ADGRB1: variants seen among roughly 807,000 people sequenced by gnomAD.
ADGRB1 encodes the protein adhesion G protein-coupled receptor B1.
In ADGRB1, 36 loss-of-function variants were observed where a neutral mutation model predicts 175.7. That is an observed-to-expected ratio of 0.20 (90% confidence interval 0.16 to 0.27). The LOEUF (loss-of-function observed/expected upper bound fraction) is 0.27, where lower values mean the gene tolerates loss of function less well. Among genes scored for constraint, ADGRB1 ranks in the 10% least tolerant of loss-of-function variants. ADGRB1 has a pLI of 1.00. For missense variants in ADGRB1, 1,731 were observed against 2,255.3 expected (o/e 0.77, Z 4.71); for synonymous variants, 1,054 against 979.4 (o/e 1.08, Z -1.42).
intron 17 of ADGRB1, among the ~76,000 whole-genome samples, chr8:142,498,623 A>G (rs896489324): frequency 6.6e-6 from 1 of 151,892 alleles, no homozygotes; most frequent in Non-Finnish European, 1.5e-5. Context: ...GGACCACTAT[A>G]TTGAGAGTCT....
intron 17 of ADGRB1, among the ~76,000 whole-genome samples, chr8:142,509,099 G>A (rs1212076734): frequency 1.3e-5 from 2 of 152,242 alleles, no homozygotes; most frequent in African/African-American, 2.4e-5. Flanking sequence ...GCCAGCCAGC[G>A]GCTCACAGCA....
At position 142,506,961 on chromosome 8, in the gene ADGRB1, T is replaced by G. The variant is rs138025313; in HGVS notation, c.2676-3971T>G. Among the ~76,000 whole-genome samples the G allele has an allele frequency of 4.7e-3, 711 of 152,320 alleles. 6 individuals carry two copies. The highest frequency in any genetic ancestry group is 0.015 in the African/African-American group (635 of 41,568). On this transcript the variant is annotated intron_variant, in intron 17 of 30. Coordinates refer to ENST00000517894, the MANE Select transcript of ADGRB1 (RefSeq NM_001702.3). Reference sequence around the variant, plus strand: ...TCTCAGGTTGCCCCTGACGGTCCCTTGCAGACCTGCATTTCAGTCAAGGTT... The same window carrying G: ...TCTCAGGTTGCCCCTGACGGTCCCTGGCAGACCTGCATTTCAGTCAAGGTT...
intron 6 of ADGRB1, 78 bp from the exon 7 acceptor site, chr8:142,478,109 G>C: frequency 6.5e-7 from 1 of 1,537,308 alleles, no homozygotes; most frequent in Non-Finnish European, 8.8e-7. Flanking sequence ...AGCACCCAGG[G>C]TGCTCACACC....
intron 18 of ADGRB1, among the ~76,000 whole-genome samples, chr8:142,514,136 G>T (rs991423758): frequency 3.9e-5 from 6 of 152,212 alleles, no homozygotes; most frequent in African/African-American, 1.4e-4. Flanking sequence ...TTGGGTGTGG[G>T]GACTCTGGTC....
At chr8:142,524,341 AC>A in intron 23 of ADGRB1, 37 bp downstream of exon 23, 4 of 1,549,452 alleles carry the variant, frequency 2.6e-6, no homozygotes, top group Non-Finnish European at 3.5e-6. Flanking sequence ...CCACGACCCC[AC>A]CTGGGCCCCC....
chr8:142,458,926 G>A (rs1839824450), intron 1 of ADGRB1, among the ~76,000 whole-genome samples: 1 of 152,192 alleles, frequency 6.6e-6, no homozygotes, highest in East Asian at 1.9e-4. Context: ...TGTGGTTCGG[G>A]GACCAAGACA....
At position 142,478,214 on chromosome 8, in the gene ADGRB1, A is replaced by G; in HGVS notation, c.1415A>G (p.Glu472Gly). ...PGRAVDGNWN[E>G]WSSWSACSAS... is the part of the protein sequence containing the mutation. Reference sequence around the variant, plus strand: ...CGGGCAGTGGATGGAAACTGGAATGAGTGGTCGAGCTGGAGCGCCTGCTCC... The same window carrying G: ...CGGGCAGTGGATGGAAACTGGAATGGGTGGTCGAGCTGGAGCGCCTGCTCC... The change falls in exon 7 of 31, where the codon GAG (glutamate) becomes GGG (glycine). Residue 472 changes from glutamate to glycine, a missense_variant. By Grantham distance (98) the Glu-to-Gly change is moderately conservative (BLOSUM62 -2). Transcript: ENST00000517894. The G allele has an allele frequency of 6.2e-7, 1 of 1,607,530 alleles. No homozygotes were observed. The highest frequency in any genetic ancestry group is 8.5e-7 in the Non-Finnish European group (1 of 1,177,794).
chr8:142,537,105 T>C lies in ADGRB1; in HGVS notation c.3666+23T>C. 2 of 1,456,286 alleles carry C rather than the reference T, an allele frequency of 1.4e-6. No homozygotes were observed. The highest frequency in any genetic ancestry group is 1.8e-6 in the Non-Finnish European group (2 of 1,099,466). The allele number at this position is 1,456,286 out of a possible 1,614,324, so 90.2% of individuals were successfully genotyped here. A position where few individuals can be genotyped will look rare whatever the true frequency, so the allele number is the denominator to read the frequency against. Reference sequence around the variant, plus strand: ...ATGGTAGGACTCAGGGCCCGGGGACTCAGGCTGCCCTACCTGCCTCGTACC... The same window carrying C: ...ATGGTAGGACTCAGGGCCCGGGGACCCAGGCTGCCCTACCTGCCTCGTACC... On this transcript the variant is annotated intron_variant, in intron 26 of 30. Coordinates refer to ENST00000517894, the MANE Select transcript of ADGRB1 (RefSeq NM_001702.3). This position sits in a 1 kb window ranked among gnomAD's most constrained non-coding sequence, Gnocchi z 4.6.
intron 18 of ADGRB1, among the ~76,000 whole-genome samples, chr8:142,515,790 G>A (rs1386499616): frequency 6.6e-6 from 1 of 152,234 alleles, no homozygotes; most frequent in Non-Finnish European, 1.5e-5. Flanking sequence ...ACCGGATGAT[G>A]GGACTTCAAT....
intron 3 of ADGRB1, 91 bp downstream of exon 3, chr8:142,475,726 G>C: frequency 4.9e-6 from 1 of 205,638 alleles, no homozygotes. Flanking sequence ...GAGAGGAGGG[G>C]CCCGTGGGGG....
chr8:142,536,598 C>T (rs977185035), intron 25 of ADGRB1, among the ~76,000 whole-genome samples: 3 of 152,158 alleles, frequency 2.0e-5, no homozygotes, highest in Non-Finnish European at 2.9e-5. Context: ...AGGCTTTCCA[C>T]TGGCTCAGAG....
intron 18 of ADGRB1, among the ~76,000 whole-genome samples, chr8:142,516,735 T>TGTGGGTCCCAGGTGCGTGTGTCTGTGC (rs1843471591): frequency 6.6e-6 from 1 of 151,904 alleles, no homozygotes; most frequent in Non-Finnish European, 1.5e-5. Flanking sequence ...TGTGTCTGTG[T>TGTGGGTCCCAGGTGCGTGTGTCTGTGC]GTGGGTCCCA....
At chr8:142,481,118 C>T (rs1032643955) in intron 9 of ADGRB1, 136 bp from the exon 10 acceptor site, 37 of 734,082 alleles carry the variant, frequency 5.0e-5, no homozygotes, top group South Asian at 4.6e-4. Context: ...ACTCTGCTCT[C>T]GGCGTGAGGC....
intron 13 of ADGRB1, among the ~76,000 whole-genome samples, chr8:142,486,749 C>T (rs992756509): frequency 2.0e-5 from 3 of 152,214 alleles, no homozygotes; most frequent in Admixed American, 6.5e-5. Context: ...TTAGGCACAG[C>T]GGCTCACGCC....
chr8:142,454,426 C>T (rs1171320797), intron 1 of ADGRB1, among the ~76,000 whole-genome samples: 1 of 152,200 alleles, frequency 6.6e-6, no homozygotes, highest in Non-Finnish European at 1.5e-5. Context: ...AGCACGAGCA[C>T]ACCGTGAGGT....
intron 17 of ADGRB1, among the ~76,000 whole-genome samples, chr8:142,498,187 G>A (rs945763214): frequency 6.6e-6 from 1 of 152,074 alleles, no homozygotes; most frequent in East Asian, 1.9e-4. Flanking sequence ...TCCTGGCAGC[G>A]GCTCCGATCT....
chr8:142,510,798 G>C lies in ADGRB1; in HGVS notation c.2676-134G>C. 4.0e-6 allele frequency: 1 copy of C among 250,290 alleles called. No homozygotes were observed. The highest frequency in any genetic ancestry group is 6.2e-6 in the Non-Finnish European group (1 of 161,744). The allele number at this position is 250,290 out of a possible 1,614,324, so 15.5% of individuals were successfully genotyped here. A position where few individuals can be genotyped will look rare whatever the true frequency, so the allele number is the denominator to read the frequency against. On this transcript the variant is annotated intron_variant, in intron 17 of 30. Coordinates refer to ENST00000517894, the MANE Select transcript of ADGRB1 (RefSeq NM_001702.3). The surrounding 1 kb of genome is among the most constrained non-coding windows in gnomAD (Gnocchi z 6.3). ...GCGGCGGGCGGACGGGCGCGCGGCTGCGGGCGCAGGTGCGGGGCGGCGGGC... is the reference window on the plus strand; with the variant it reads ...GCGGCGGGCGGACGGGCGCGCGGCTCCGGGCGCAGGTGCGGGGCGGCGGGC...
At chr8:142,477,342 G>C in intron 5 of ADGRB1, 43 bp from the exon 6 acceptor site, 2 of 1,372,636 alleles carry the variant, frequency 1.5e-6, no homozygotes, top group Non-Finnish European at 2.0e-6. Context: ...GGCAGCGGGG[G>C]CGGTGGCCGC....
At chr8:142,528,168 G>A (rs1033717675) in intron 24 of ADGRB1, among the ~76,000 whole-genome samples, 1 of 152,244 alleles carries the variant, frequency 6.6e-6, no homozygotes, top group Admixed American at 6.5e-5. Flanking sequence ...CACATGCCAC[G>A]AGGACCTGCA....
Sources: allele counts gnomAD v4.1 joint callset (sites outside exome capture counted in the v4.1 genomes callset), GRCh38; gene constraint gnomAD v4.1.1; non-coding constraint Gnocchi (gnomAD v3.1); transcripts MANE v1.5; gene names NCBI Gene and HGNC (gene_info 2026-07-23, HGNC 2026-07-21).